MAGI1: variants seen among roughly 807,000 people sequenced by gnomAD.
MAGI1 encodes the protein membrane associated guanylate kinase, WW and PDZ domain containing 1, also known as membrane-associated guanylate kinase, WW and PDZ domain-containing protein 1.
A neutral mutation model predicts 139.9 loss-of-function variants in MAGI1; 58 were observed. The ratio of observed to expected loss-of-function variants is 0.41; its 90% CI spans 0.34 to 0.52. The LOEUF is 0.52. Among genes scored for constraint, MAGI1 ranks in the 20% least tolerant of loss-of-function variants. The pLI, the probability that MAGI1 is intolerant of heterozygous loss-of-function variation, is 0.12. For missense variants in MAGI1, 1,874 were observed against 1,901.6 expected (o/e 0.99, Z 0.27); for synonymous variants, 812 against 737.9 (o/e 1.10, Z -1.63).
chr3:65,422,121 G>A (rs1946669762), intron 12 of MAGI1, among the ~76,000 whole-genome samples: 1 of 152,200 alleles, frequency 6.6e-6, no homozygotes, highest in African/African-American at 2.4e-5. Context: ...CTGCAATGGT[G>A]GAAATGTTCT....
intron 1 of MAGI1, among the ~76,000 whole-genome samples, chr3:66,032,914 C>CAAAAAAAAAAAA (rs58736926): frequency 9.1e-6 from 1 of 110,272 alleles, no homozygotes; most frequent in Non-Finnish European, 1.9e-5. Flanking sequence ...AACTCCATCT[C>CAAAAAAAAAAAA]AAAAAAAAAA....
intron 1 of MAGI1, among the ~76,000 whole-genome samples, chr3:65,921,606 G>C (rs529595000): frequency 6.6e-6 from 1 of 151,898 alleles, no homozygotes; most frequent in Non-Finnish European, 1.5e-5. Context: ...CACCGTGCCC[G>C]GCTGACTTAT....
chr3:65,364,594 C>G, intron 20 of MAGI1, 71 bp downstream of exon 20: 1 of 1,312,860 alleles, frequency 7.6e-7, no homozygotes. Context: ...AAAAAATATC[C>G]CATAAAAGTA....
intron 14 of MAGI1, among the ~76,000 whole-genome samples, chr3:65,390,150 G>A (rs1303521071): frequency 2.0e-5 from 3 of 152,142 alleles, no homozygotes; most frequent in Non-Finnish European, 2.9e-5. Flanking sequence ...TCTCTGCCAC[G>A]ACTCTCGATG....
At position 65,963,425 on chromosome 3, in the gene MAGI1, G is replaced by A. The variant is rs1034437576; in HGVS notation, c.313+74571C>T. ...AAGGTCAAGAGATCCAGACCATCCT[G>A]GCCAACATGGTGAAACCCCGTCTCT... On this transcript the variant is annotated intron_variant, in intron 1 of 22. Coordinates refer to ENST00000402939, the MANE Select transcript of MAGI1 (RefSeq NM_001033057.2). Among the ~76,000 whole-genome samples, 4 of 151,982 alleles carry A rather than the reference G, an allele frequency of 2.6e-5. 1 individual carries two copies. The highest frequency in any genetic ancestry group is 6.6e-5 in the Admixed American group (1 of 15,264).
chr3:66,016,270 T>C (rs1391774659), intron 1 of MAGI1, among the ~76,000 whole-genome samples: 2 of 152,180 alleles, frequency 1.3e-5, no homozygotes, highest in Non-Finnish European at 2.9e-5. Context: ...TGAATCCCTG[T>C]AGCAATCATA....
intron 1 of MAGI1, among the ~76,000 whole-genome samples, chr3:65,751,937 A>AT (rs1028678108): frequency 3.3e-5 from 5 of 151,976 alleles, no homozygotes; most frequent in Non-Finnish European, 7.4e-5. Context: ...ATATCGTCTG[A>AT]TTTTTTCGTT....
chr3:65,647,710 G>A (rs2085340488), intron 1 of MAGI1, among the ~76,000 whole-genome samples: 1 of 152,050 alleles, frequency 6.6e-6, no homozygotes, highest in Non-Finnish European at 1.5e-5. Context: ...ATTCTTTTAT[G>A]ACAAAAACTT....
At chr3:65,928,890 A>G (rs762031921) in intron 1 of MAGI1, among the ~76,000 whole-genome samples, 16 of 152,166 alleles carry the variant, frequency 1.1e-4, no homozygotes, top group Non-Finnish European at 1.8e-4. Context: ...GATGACTGAA[A>G]CAGTTTTAAT....
chr3:65,438,935 C>T (rs536662400), intron 9 of MAGI1, among the ~76,000 whole-genome samples: 49 of 152,280 alleles, frequency 3.2e-4, no homozygotes, highest in Non-Finnish European at 6.9e-4. Flanking sequence ...TATTATCTGG[C>T]TGTTTAGAGA....
At position 65,385,123 on chromosome 3, in the gene MAGI1, C is replaced by G. The variant is rs146065100; in HGVS notation, c.2417-1500G>C. Among the ~76,000 whole-genome samples the G allele has an allele frequency of 2.6e-5, 4 of 152,258 alleles. No homozygotes were observed. The East Asian group carries it at 7.7e-4, about 29-fold the overall frequency. ...CATTTTCCAGTAACCTGATATTTTA[C>G]TTTCAATACTCAGCAATGGTCCAGG... On this transcript the variant is annotated intron_variant, in intron 14 of 22. Coordinates refer to ENST00000402939, the MANE Select transcript of MAGI1 (RefSeq NM_001033057.2).
At chr3:65,660,220 T>C (rs1309773521) in intron 1 of MAGI1, among the ~76,000 whole-genome samples, 4 of 152,216 alleles carry the variant, frequency 2.6e-5, no homozygotes, top group South Asian at 4.1e-4. Context: ...TCCACAAATA[T>C]TCACTAAGTG....
rs182228868 is a variant in MAGI1, at chr3:65,966,482, G to A, written c.313+71514C>T. Among the ~76,000 whole-genome samples, 966 of 152,068 alleles carry A rather than the reference G, an allele frequency of 6.4e-3. 8 individuals are homozygous for A. Among genetic ancestry groups the A allele is most frequent in the Middle Eastern group, 0.031 (9 of 294 alleles). ...GAATCCTGAAATTTCTGCATCTTGC[G>A]ACTGACAAAAAGAGAAAGGGCAACT... On this transcript the variant is annotated intron_variant, in intron 1 of 22. Coordinates refer to ENST00000402939, the MANE Select transcript of MAGI1 (RefSeq NM_001033057.2).
Position 65,473,936 on chromosome 3 carries a change from A to G in MAGI1, c.758-3452T>C, listed in dbSNP as rs374763295. Among the ~76,000 whole-genome samples the G allele has an allele frequency of 1.8e-4, 28 of 152,298 alleles. No homozygotes were observed. The East Asian group carries it at 2.1e-3, about 12-fold the overall frequency. On this transcript the variant is annotated intron_variant, in intron 4 of 22. Coordinates refer to ENST00000402939, the MANE Select transcript of MAGI1 (RefSeq NM_001033057.2). Reference sequence around the variant, plus strand: ...GGCAGACTCAAGAATTCACAGCCTTAGTCATGGTTTTGACTCTGACACATG... The same window carrying G: ...GGCAGACTCAAGAATTCACAGCCTTGGTCATGGTTTTGACTCTGACACATG...
Position 65,356,844 on chromosome 3 carries a change from T to G in MAGI1, c.3923A>C (p.Gln1308Pro). Residue 1308 changes from glutamine to proline, a missense_variant, in exon 23 of 23, where the codon CAG becomes CCG. Physicochemically the swap from Gln to Pro is moderately conservative, Grantham distance 76. Around this residue, in one of 5 missense-constraint regions of MAGI1, gnomAD observed 653 missense variants for 644.5 expected, o/e 1.01. Coordinates refer to ENST00000402939, the MANE Select transcript of MAGI1 (RefSeq NM_001033057.2). Reference sequence around the variant, plus strand: ...GTTGGCGGCTGCCGCGCGCTCGGCCTGCGCGTCCCTCCGTCCCTCCGGCGC... The same window carrying G: ...GTTGGCGGCTGCCGCGCGCTCGGCCGGCGCGTCCCTCCGTCCCTCCGGCGC... ...DRAPEGRRDAQAERAAAANGP... is the reference protein window; with the variant it reads ...DRAPEGRRDAPAERAAAANGP... 1.2e-6 allele frequency: 2 copies of G among 1,613,572 alleles called. No homozygotes were observed.
intron 1 of MAGI1, among the ~76,000 whole-genome samples, chr3:66,018,880 C>T (rs1193057653): frequency 6.6e-6 from 1 of 152,188 alleles, no homozygotes; most frequent in African/African-American, 2.4e-5. Context: ...TTTGGGAAGC[C>T]ACAGTGTGTC....
chr3:65,934,237 CT>C (rs894105879), intron 1 of MAGI1, among the ~76,000 whole-genome samples: 40 of 146,080 alleles, frequency 2.7e-4, no homozygotes, highest in Middle Eastern at 3.4e-3. Flanking sequence ...TGAACTGATT[CT>C]TTTTTTTTTA....
chr3:65,534,274 G>T (rs1191810852), intron 2 of MAGI1, among the ~76,000 whole-genome samples: 7 of 152,002 alleles, frequency 4.6e-5, no homozygotes, highest in African/African-American at 1.7e-4. Context: ...TTGAGTCCAG[G>T]AATTTGGGAC....
chr3:65,845,069 G>A (rs1191601316), intron 1 of MAGI1, among the ~76,000 whole-genome samples: 1 of 152,006 alleles, frequency 6.6e-6, no homozygotes, highest in Non-Finnish European at 1.5e-5. Flanking sequence ...TGGCCAATAT[G>A]GTGAAACCCC....
Sources: allele counts gnomAD v4.1 joint callset (sites outside exome capture counted in the v4.1 genomes callset), GRCh38; gene constraint gnomAD v4.1.1; regional missense constraint gnomAD v4.1.1; transcripts MANE v1.5; gene names NCBI Gene and HGNC (gene_info 2026-07-23, HGNC 2026-07-21).